MAP4K3: variants seen among roughly 807,000 people sequenced by gnomAD.
MAP4K3 encodes the protein mitogen-activated protein kinase kinase kinase kinase 3.
A neutral mutation model predicts 143.5 loss-of-function variants in MAP4K3; 94 were observed. The ratio of observed to expected loss-of-function variants is 0.65; its 90% CI spans 0.55 to 0.78. MAP4K3 has a LOEUF of 0.78. Among genes scored for constraint, MAP4K3 ranks in the 30% least tolerant of loss-of-function variants. The pLI, the probability that MAP4K3 is intolerant of heterozygous loss-of-function variation, is 0.00. For missense variants in MAP4K3, 1,077 were observed against 1,068.1 expected, an observed-to-expected ratio of 1.01 and a Z score of -0.12; for synonymous variants, 416 against 347.2, an observed-to-expected ratio of 1.20 and a Z score of -2.20.
At chr2:39,276,160 C>T (rs1681242716) in intron 24 of MAP4K3, among the ~76,000 whole-genome samples, 1 of 152,210 alleles carries the variant, frequency 6.6e-6, no homozygotes, top group Non-Finnish European at 1.5e-5. Context: ...GCATGAGCCA[C>T]CACGGCCGGC....
chr2:39,353,965 T>A (rs1665533064), intron 3 of MAP4K3, among the ~76,000 whole-genome samples: 1 of 152,090 alleles, frequency 6.6e-6, no homozygotes, highest in Admixed American at 6.6e-5. Flanking sequence ...TAGAACCAGG[T>A]CTCAGACCAG....
At chr2:39,288,364 C>T in intron 19 of MAP4K3, 84 bp from the exon 20 acceptor site, 2 of 1,230,660 alleles carry the variant, frequency 1.6e-6, no homozygotes, top group Non-Finnish European at 2.3e-6. Flanking sequence ...TAAAAGCTTT[C>T]AAATTATTTC....
intron 12 of MAP4K3, among the ~76,000 whole-genome samples, chr2:39,318,281 T>C (rs1240175443): frequency 6.6e-6 from 1 of 152,036 alleles, no homozygotes; most frequent in East Asian, 1.9e-4. Flanking sequence ...AAACTACCTA[T>C]TGGGTACTAG....
At chr2:39,424,370 G>GTCTAGTGGA (rs902458157) in intron 1 of MAP4K3, among the ~76,000 whole-genome samples, 3 of 152,294 alleles carry the variant, frequency 2.0e-5, no homozygotes, top group African/African-American at 7.2e-5. Flanking sequence ...GAGGAAGGAA[G>GTCTAGTGGA]TCTAGTGGAT....
At chr2:39,265,362 T>G (rs1680725662) in intron 27 of MAP4K3, 56 bp from the exon 28 acceptor site, 1 of 1,019,700 alleles carries the variant, frequency 9.8e-7, no homozygotes, top group Admixed American at 1.9e-5. Context: ...ATTATGACAA[T>G]AATTGCATGC....
In MAP4K3 at chr2:39,299,806, T is replaced by C. The variant is rs3755170; in HGVS notation, c.1120-5A>G. On this transcript the variant is annotated splice_region_variant and splice_polypyrimidine_tract_variant and intron_variant, in intron 15 of 33. Coordinates refer to ENST00000263881, the MANE Select transcript of MAP4K3 (RefSeq NM_003618.4). ...TCCATATTCCAGTTGCAGATCCTAATAGTACAAAATAAAATATTTAGCACA... is the reference window on the plus strand; with the variant it reads ...TCCATATTCCAGTTGCAGATCCTAACAGTACAAAATAAAATATTTAGCACA... The C allele has an allele frequency of 2.4e-3, 3,708 of 1,531,152 alleles. 88 individuals carry two copies. The East Asian group carries it at 0.053, about 22-fold the overall frequency. The allele number at this position is 1,531,152 out of a possible 1,614,324, so 94.8% of individuals were successfully genotyped here. A position where few individuals can be genotyped will look rare whatever the true frequency, so the allele number is the denominator to read the frequency against.
At chr2:39,313,615 C>T (rs925925632) in intron 13 of MAP4K3, among the ~76,000 whole-genome samples, 4 of 152,228 alleles carry the variant, frequency 2.6e-5, no homozygotes, top group African/African-American at 9.6e-5. Flanking sequence ...CAGGTTTCAG[C>T]GAGTTTCCTG....
intron 24 of MAP4K3, among the ~76,000 whole-genome samples, chr2:39,276,337 G>A (rs1413696833): frequency 6.6e-6 from 1 of 152,122 alleles, no homozygotes; most frequent in Non-Finnish European, 1.5e-5. Flanking sequence ...CACTCAAGTG[G>A]AAAACCTAAA....
At chr2:39,424,047 G>A (rs945239936) in intron 1 of MAP4K3, among the ~76,000 whole-genome samples, 4 of 152,000 alleles carry the variant, frequency 2.6e-5, no homozygotes, top group Non-Finnish European at 5.9e-5. Context: ...AGGTTCAAGC[G>A]ATTCTCCTGC....
chr2:39,258,564 G>C lies in MAP4K3; in HGVS notation c.2332C>G (p.His778Asp). ...GTATCTCTCTCCAGTTGGGTTACAT[G>C]AGTAACATTTGTCTGTGGGGTATCT... ...ESDTPQTNVT[H>D]VTQLERDTIL... is the part of the protein sequence containing the mutation. Residue 778 changes from histidine to aspartate, a missense_variant, in exon 30 of 34, where the codon CAT becomes GAT. Around this residue, in one of 2 missense-constraint regions of MAP4K3, gnomAD observed 864 missense variants for 801.2 expected, o/e 1.08. Transcript: ENST00000263881. 1 of 1,613,548 alleles carries C rather than the reference G, an allele frequency of 6.2e-7. No homozygotes were observed. Among genetic ancestry groups the C allele is most frequent in the Non-Finnish European group, 8.5e-7 (1 of 1,179,462 alleles).
intron 1 of MAP4K3, among the ~76,000 whole-genome samples, chr2:39,401,052 A>T (rs960289881): frequency 1.1e-4 from 17 of 152,160 alleles, no homozygotes. Context: ...CCCGGCTTAT[A>T]TTCTAGAGAC....
chr2:39,434,352 T>C (rs1045682278), intron 1 of MAP4K3, among the ~76,000 whole-genome samples: 1 of 152,150 alleles, frequency 6.6e-6, no homozygotes, highest in African/African-American at 2.4e-5. Context: ...AAACAAGAGT[T>C]TGGCAGGCAG....
At chr2:39,409,940 C>G (rs1339679024) in intron 1 of MAP4K3, among the ~76,000 whole-genome samples, 1 of 152,122 alleles carries the variant, frequency 6.6e-6, no homozygotes, top group Non-Finnish European at 1.5e-5. Context: ...GTGCTAATTC[C>G]AATGATGGAA....
intron 31 of MAP4K3, among the ~76,000 whole-genome samples, chr2:39,256,013 T>G (rs1455990985): frequency 6.6e-6 from 1 of 152,220 alleles, no homozygotes; most frequent in Non-Finnish European, 1.5e-5. Flanking sequence ...AAAAAATAAT[T>G]TGGAGGTTCC....
intron 3 of MAP4K3, 115 bp downstream of exon 3, chr2:39,356,134 T>C (rs780017777): frequency 4.7e-6 from 3 of 641,624 alleles, no homozygotes; most frequent in South Asian, 2.4e-5. Flanking sequence ...AAATATCCTA[T>C]CTTCAAAGCA....
intron 19 of MAP4K3, among the ~76,000 whole-genome samples, chr2:39,289,151 A>G (rs1222450561): frequency 1.5e-4 from 23 of 152,228 alleles, no homozygotes; most frequent in Admixed American, 1.5e-3. Flanking sequence ...AAACAATGGA[A>G]AAATCTACAG....
intron 1 of MAP4K3, among the ~76,000 whole-genome samples, chr2:39,407,156 A>T (rs1044591415): frequency 6.6e-6 from 1 of 152,208 alleles, no homozygotes; most frequent in African/African-American, 2.4e-5. Flanking sequence ...AAAAAAGTAA[A>T]TAAAATCTAA....
chr2:39,281,660 T>C (rs142070174), intron 22 of MAP4K3, among the ~76,000 whole-genome samples: 5 of 152,230 alleles, frequency 3.3e-5, no homozygotes, highest in African/African-American at 1.2e-4. Flanking sequence ...CCTGTCAAAC[T>C]GCAAGCCTGA....
chr2:39,391,225 G>A (rs1312137860), intron 1 of MAP4K3, among the ~76,000 whole-genome samples: 1 of 151,606 alleles, frequency 6.6e-6, no homozygotes, highest in Non-Finnish European at 1.5e-5. Context: ...CGGGCGTGGT[G>A]GCGGGTGCCT....
Sources: allele counts gnomAD v4.1 joint callset (sites outside exome capture counted in the v4.1 genomes callset), GRCh38; gene constraint gnomAD v4.1.1; regional missense constraint gnomAD v4.1.1; transcripts MANE v1.5; gene names NCBI Gene and HGNC (gene_info 2026-07-23, HGNC 2026-07-21).